The following SUB1 variants were observed in gnomAD, a reference collection of about 807,000 sequenced individuals.
The protein encoded by SUB1 is SUB1 regulator of transcription.
Under a neutral mutation model 16.9 loss-of-function variants are expected in SUB1, and 1 was observed. The observed-to-expected ratio is 0.06, with a 90% confidence interval of 0.02 to 0.28. SUB1 has a LOEUF of 0.28. Ranked by LOEUF, SUB1 falls within the 10% of genes least tolerant of loss-of-function variation. The pLI is 1.00. For synonymous variants in SUB1, 51 were observed against 46.9 expected (o/e 1.09, Z -0.36); for missense variants, 84 against 145.2 (o/e 0.58, Z 2.16).
intron 3 of SUB1, 25 bp downstream of exon 3, chr5:32,591,710 T>G: frequency 6.4e-7 from 1 of 1,557,288 alleles, no homozygotes; most frequent in Non-Finnish European, 8.6e-7. Flanking sequence ...TTTTTTTTTT[T>G]TTTTTTTTGA....
At position 32,603,208 on chromosome 5, in the gene SUB1, A is replaced by T. The variant is rs566649895; in HGVS notation, c.*2124A>T. 7.2e-5 allele frequency: 11 copies of T among 152,316 alleles called. No homozygotes were observed. Among genetic ancestry groups the T allele is most frequent in the Middle Eastern group, 3.4e-3 (1 of 294 alleles). The allele number at this position is 152,316 out of a possible 1,614,324, so 9.4% of individuals were successfully genotyped here. On this transcript the variant is annotated 3_prime_UTR_variant, in exon 5 of 5. Transcript: ENST00000265073. ...GTTACTGGATATGCAGTATACTGAAATTATTAATCAGTTTGTGTATAGGAA... is the reference window on the plus strand; with the variant it reads ...GTTACTGGATATGCAGTATACTGAATTTATTAATCAGTTTGTGTATAGGAA...
chr5:32,591,433 T>A lies in SUB1; in HGVS notation c.73-130T>A, dbSNP rs890158722. 3 of 1,260,040 alleles carry A rather than the reference T, an allele frequency of 2.4e-6. No individual in the cohort carries two copies. In the African/African-American group the frequency reaches 4.7e-5, roughly 20 times the overall value. 78.1% of individuals were successfully genotyped at this position (1,260,040 alleles called of 1,614,324 possible). ...AGTTTTGTTGTTGAGTGAAACTTGCTTATGTATATATTTATGATATTTTGG... is the reference window on the plus strand; with the variant it reads ...AGTTTTGTTGTTGAGTGAAACTTGCATATGTATATATTTATGATATTTTGG... On this transcript the variant is annotated intron_variant, in intron 2 of 4. Transcript: ENST00000265073.
At chr5:32,594,511 T>C (rs1038776171) in intron 3 of SUB1, 4 of 410,304 alleles carry the variant, frequency 9.7e-6, no homozygotes, top group Middle Eastern at 3.5e-4. Flanking sequence ...GTCATTTTAA[T>C]CTGGGGCAGG....
rs1353554820 is a variant in SUB1, at chr5:32,603,921, G to C, written c.*2837G>C. On this transcript the variant is annotated 3_prime_UTR_variant, in exon 5 of 5. Coordinates refer to ENST00000265073, the MANE Select transcript of SUB1 (RefSeq NM_006713.4). The stretch of plus-strand genomic sequence containing the variant: ...TTTTTTTTTTAAAAGTGTTTTTCCA[G>C]ATAAACTGTAGGGTGAACATTCACA... The C allele has an allele frequency of 1.3e-5, 2 of 151,258 alleles. No homozygotes were observed. The highest frequency in any genetic ancestry group is 1.3e-4 in the Admixed American group (2 of 15,184). The allele number at this position is 151,258 out of a possible 1,614,324, so 9.4% of individuals were successfully genotyped here.
At position 32,587,764 on chromosome 5, in the gene SUB1, G is replaced by A. The variant is rs185849307; in HGVS notation, c.-1-748G>A. ...TTGCTGGGACTACAGGTGTGCCACC[G>A]TGCCCTGTTAATTTTTGTATTTTTA... On this transcript the variant is annotated intron_variant, in intron 1 of 4. Transcript: ENST00000265073. 3.2e-3 allele frequency among the ~76,000 whole-genome samples: 490 copies of A among 152,032 alleles called. 2 individuals carry two copies. The highest frequency in any genetic ancestry group is 0.011 in the African/African-American group (457 of 41,464).
intron 1 of SUB1, among the ~76,000 whole-genome samples, 173 bp from the exon 2 acceptor site, chr5:32,588,339 A>G (rs1301350416): frequency 6.6e-6 from 1 of 152,238 alleles, no homozygotes; most frequent in African/African-American, 2.4e-5. Flanking sequence ...TGTTATTTGC[A>G]ACTTAAAAGG....
At chr5:32,594,767 A>G (rs1202049059) in intron 3 of SUB1, 1 of 205,686 alleles carries the variant, frequency 4.9e-6, no homozygotes, top group Non-Finnish European at 1.0e-5. Flanking sequence ...TGAGAATCTA[A>G]TGCCTGATGG....
Position 32,603,660 on chromosome 5 carries a change from C to T in SUB1, c.*2576C>T, listed in dbSNP as rs1055153264. 6.6e-6 allele frequency: 1 copy of T among 152,138 alleles called. No individual in the cohort carries two copies. The highest frequency in any genetic ancestry group is 6.5e-5 in the Admixed American group (1 of 15,270). The allele number at this position is 152,138 out of a possible 1,614,324, so 9.4% of individuals were successfully genotyped here. A position where few individuals can be genotyped will look rare whatever the true frequency, so the allele number is the denominator to read the frequency against. On this transcript the variant is annotated 3_prime_UTR_variant, in exon 5 of 5. Coordinates refer to ENST00000265073, the MANE Select transcript of SUB1 (RefSeq NM_006713.4). The stretch of plus-strand genomic sequence containing the variant: ...AGATGCTGTGACGATCAAATCTATT[C>T]TACATAATGCGTTTAGAAACAAAGA...
chr5:32,591,651 A>G lies in SUB1; in HGVS notation c.161A>G (p.Gln54Arg), dbSNP rs142204481. The G allele has an allele frequency of 1.0e-5, 16 of 1,603,404 alleles. No homozygotes were observed. The highest frequency in any genetic ancestry group is 1.4e-5 in the Non-Finnish European group (16 of 1,176,284). ...ETSRALSSSK[Q>R]SSSSRDDNMF... ...TCGAGAGCCCTGTCATCTTCTAAAC[A>G]GAGCAGCAGCAGCAGAGATGATAAC... is the stretch of plus-strand genomic sequence containing the variant. The change falls in exon 3 of 5, where the codon CAG becomes CGG. Residue 54 changes from glutamine (Q) to arginine (R), a missense_variant. Gln to Arg is a conservative substitution (Grantham distance 43). Around this residue, in one of 2 missense-constraint regions of SUB1, gnomAD observed 60 missense variants for 64.9 expected, o/e 0.92. Coordinates refer to ENST00000265073, the MANE Select transcript of SUB1 (RefSeq NM_006713.4).
intron 2 of SUB1, 190 bp from the exon 3 acceptor site, chr5:32,591,373 A>C (rs1043299789): frequency 3.1e-5 from 22 of 699,804 alleles, no homozygotes; most frequent in Non-Finnish European, 4.5e-5. Flanking sequence ...CAGAGTTTGA[A>C]AACATTACTA....
chr5:32,588,531 C>G lies in SUB1; in HGVS notation c.19C>G (p.Leu7Val). 6.2e-7 allele frequency: 1 copy of G among 1,612,688 alleles called. No individual in the cohort carries two copies. The highest frequency in any genetic ancestry group is 8.5e-7 in the Non-Finnish European group (1 of 1,179,390). The change falls in exon 2 of 5, where the codon CTT becomes GTT. Residue 7 changes from leucine (L) to valine (V), a missense_variant. Physicochemically the swap from Leu to Val is conservative, Grantham distance 32. Transcript: ENST00000265073. Reference sequence around the variant, plus strand: ...TTTCAGGATGCCTAAATCAAAGGAACTTGTTTCTTCAAGCTCTTCTGGCAG... The same window carrying G: ...TTTCAGGATGCCTAAATCAAAGGAAGTTGTTTCTTCAAGCTCTTCTGGCAG... MPKSKE[L>V]VSSSSSGSDS...
chr5:32,598,700 G>T (rs918805093), intron 3 of SUB1: 8 of 268,518 alleles, frequency 3.0e-5, no homozygotes, highest in Non-Finnish European at 5.5e-5. Flanking sequence ...TAATGTTTTC[G>T]TTATTTCTAG....
chr5:32,591,463 A>T, intron 2 of SUB1, 100 bp from the exon 3 acceptor site: 5 of 1,405,806 alleles, frequency 3.6e-6, no homozygotes, highest in African/African-American at 1.5e-5. Context: ...TTTTGGATGT[A>T]GTCTTTTGAT....
intron 4 of SUB1, among the ~76,000 whole-genome samples, chr5:32,599,908 C>T (rs1356597537): frequency 3.3e-5 from 5 of 151,732 alleles, no homozygotes; most frequent in Admixed American, 2.0e-4. Context: ...TTATATGCGT[C>T]GGTATTGGAA....
At chr5:32,599,529 G>T (rs1215895113) in intron 4 of SUB1, among the ~76,000 whole-genome samples, 1 of 152,148 alleles carries the variant, frequency 6.6e-6, no homozygotes, top group Non-Finnish European at 1.5e-5. Flanking sequence ...TAGCATTGTA[G>T]AAACATATTT....
Position 32,599,077 on chromosome 5 carries a change from C to T in SUB1, c.304+8C>T, listed in dbSNP as rs753916750. The T allele has an allele frequency of 6.2e-7, 1 of 1,600,280 alleles. No homozygotes were observed. The highest frequency in any genetic ancestry group is 8.6e-7 in the Non-Finnish European group (1 of 1,168,656). ...TGAAACCAGGAAGAAAAGGTGAGGT[C>T]TAATTACTTGAATTTTATTACAGTG... On this transcript the variant is annotated splice_region_variant and intron_variant, in intron 4 of 4. Coordinates refer to ENST00000265073, the MANE Select transcript of SUB1 (RefSeq NM_006713.4).
intron 3 of SUB1, chr5:32,597,136 T>C (rs148323252): frequency 6.6e-6 from 1 of 152,318 alleles, no homozygotes; most frequent in Non-Finnish European, 1.5e-5. Context: ...TGATTTTTTT[T>C]TTTGCTGGTA....
At chr5:32,592,843 A>T (rs143852223) in intron 3 of SUB1, among the ~76,000 whole-genome samples, 48 of 152,258 alleles carry the variant, frequency 3.2e-4, no homozygotes, top group African/African-American at 1.1e-3. Context: ...GAAGCAGATG[A>T]GGGGATGTCT....
chr5:32,586,680 C>T (rs572214441), intron 1 of SUB1, among the ~76,000 whole-genome samples: 3 of 152,182 alleles, frequency 2.0e-5, no homozygotes, highest in South Asian at 2.1e-4. Context: ...AAATTATGTT[C>T]AATTTAATTA....
Sources: allele counts gnomAD v4.1 joint callset (sites outside exome capture counted in the v4.1 genomes callset), GRCh38; gene constraint gnomAD v4.1.1; regional missense constraint gnomAD v4.1.1; transcripts MANE v1.5; gene names NCBI Gene and HGNC (gene_info 2026-07-23, HGNC 2026-07-21).